SMIM23: variants seen among roughly 807,000 people sequenced by gnomAD.
SMIM23 encodes small integral membrane protein 23.
Under a neutral mutation model 12.8 loss-of-function variants are expected in SMIM23, and 10 were observed. The ratio of observed to expected loss-of-function variants is 0.78; its 90% confidence interval spans 0.48 to 1.32. SMIM23 has a LOEUF of 1.32. Among genes scored for constraint, SMIM23 ranks in the 40% most tolerant of loss-of-function variants. The probability of loss-of-function intolerance (pLI) is 0.00; values close to 1 mark genes in which losing one functional copy is unlikely to be tolerated. For missense variants in SMIM23, 184 were observed against 198.2 expected (o/e 0.93, Z 0.43); for synonymous variants, 78 against 80.1 (o/e 0.97, Z 0.14).
At chr5:171,781,209 T>C (rs1044658783), upstream of SMIM23, among the ~76,000 whole-genome samples, 1 of 152,186 alleles carries the variant, frequency 6.6e-6, no homozygotes, top group Non-Finnish European at 1.5e-5. Flanking sequence ...CCCAATTATT[T>C]TCCTTTCTGA....
At chr5:171,787,530 G>C (rs1755840839) in intron 1 of SMIM23, among the ~76,000 whole-genome samples, 1 of 152,220 alleles carries the variant, frequency 6.6e-6, no homozygotes, top group African/African-American at 2.4e-5. Flanking sequence ...TACATTGATA[G>C]AGGACTGGTT....
At position 171,790,883 on chromosome 5, in the gene SMIM23, A is replaced by G. The variant is rs1288946368; in HGVS notation, c.314A>G (p.Glu105Gly). Residue 105 changes from glutamate to glycine, a missense_variant, in exon 4 of 4, where the codon GAG becomes GGG. Glu to Gly is a moderately conservative substitution (Grantham distance 98). Coordinates refer to ENST00000523047, the MANE Select transcript of SMIM23 (RefSeq NM_001289970.2). Reference protein sequence around the residue: ...WLKEKLHVFSEKLEEEVQQLE... With the variant: ...WLKEKLHVFSGKLEEEVQQLE... Reference sequence around the variant, plus strand: ...AAGGAGAAGTTGCATGTCTTCTCGGAGAAGTTAGAGGAAGAGGTGCAGCAG... The same window carrying G: ...AAGGAGAAGTTGCATGTCTTCTCGGGGAAGTTAGAGGAAGAGGTGCAGCAG... 8 of 1,536,006 alleles carry G rather than the reference A, an allele frequency of 5.2e-6. No homozygotes were observed. In the Admixed American group the frequency reaches 1.6e-4, roughly 30 times the overall value.
At position 171,790,810 on chromosome 5, in the gene SMIM23, A is replaced by C. The variant is rs1246394843; in HGVS notation, c.241A>C (p.Thr81Pro). The C allele has an allele frequency of 1.3e-6, 2 of 1,536,074 alleles. No individual in the cohort carries two copies. Among genetic ancestry groups the C allele is most frequent in the East Asian group, 2.4e-5 (1 of 40,920 alleles). The change falls in exon 4 of 4, where the codon ACC becomes CCC. Residue 81 changes from threonine to proline, a missense_variant. Transcript: ENST00000523047. ...LAVPQGLEYQTNEPSEEPIKT... is the reference protein window; with the variant it reads ...LAVPQGLEYQPNEPSEEPIKT... The stretch of plus-strand genomic sequence containing the variant: ...TGCCTTCCAGGGGCTTGAATATCAG[A>C]CCAACGAGCCCTCAGAAGAACCGAT...
intron 1 of SMIM23, 81 bp from the exon 2 acceptor site, chr5:171,790,149 G>A (rs1330809301): frequency 6.6e-6 from 9 of 1,357,134 alleles, no homozygotes; most frequent in Middle Eastern, 1.8e-4. Context: ...TCCCATGTCT[G>A]GCCCTTTGTG....
chr5:171,781,463 A>G (rs1755724399), upstream of SMIM23, among the ~76,000 whole-genome samples: 2 of 152,150 alleles, frequency 1.3e-5, no homozygotes, highest in African/African-American at 4.8e-5. Context: ...CATGTAAATC[A>G]GACACCACCT....
At chr5:171,789,385 A>G (rs140208675) in intron 1 of SMIM23, among the ~76,000 whole-genome samples, 141 of 152,354 alleles carry the variant, frequency 9.3e-4, no homozygotes, top group Non-Finnish European at 1.7e-3. Flanking sequence ...AATTAAACAT[A>G]CATTTACCAT....
At chr5:171,785,295 G>GA (rs1174500871), upstream of SMIM23, among the ~76,000 whole-genome samples, 1 of 152,044 alleles carries the variant, frequency 6.6e-6, no homozygotes. Flanking sequence ...ACCACTGGGG[G>GA]AAAAATTCAT....
chr5:171,773,072 G>A, the SMIM23 span, among the ~76,000 whole-genome samples: 1 of 152,204 alleles, frequency 6.6e-6, no homozygotes, highest in South Asian at 2.1e-4. Context: ...GCCTGGCGTG[G>A]AGAGCTGGCC....
upstream of SMIM23, among the ~76,000 whole-genome samples, chr5:171,782,191 C>T (rs138399902): frequency 1.3e-4 from 20 of 152,260 alleles, no homozygotes; most frequent in South Asian, 6.2e-4. Flanking sequence ...GTCAGCGAGA[C>T]GGTGAAGCCA....
At chr5:171,777,017 G>A in the SMIM23 span, among the ~76,000 whole-genome samples, 1 of 151,750 alleles carries the variant, frequency 6.6e-6, no homozygotes, top group Non-Finnish European at 1.5e-5. Context: ...TGCATGACGG[G>A]GTGAGCCTGC....
At chr5:171,780,418 C>G (rs1755707932), upstream of SMIM23, among the ~76,000 whole-genome samples, 1 of 152,174 alleles carries the variant, frequency 6.6e-6, no homozygotes, top group Non-Finnish European at 1.5e-5. Flanking sequence ...GGTGGGGAAG[C>G]TCTTCCTCCC....
upstream of SMIM23, among the ~76,000 whole-genome samples, chr5:171,781,449 G>A (rs1238896617): frequency 6.6e-6 from 1 of 152,058 alleles, no homozygotes; most frequent in African/African-American, 2.4e-5. Context: ...CAATCTGTGA[G>A]CCCCATGTAA....
At chr5:171,776,853 C>T in the SMIM23 span, among the ~76,000 whole-genome samples, 1 of 152,204 alleles carries the variant, frequency 6.6e-6, no homozygotes, top group Admixed American at 6.5e-5. Context: ...GGGCGCTTCA[C>T]ACTCCAACCT....
upstream of SMIM23, among the ~76,000 whole-genome samples, chr5:171,780,150 G>T (rs1755703759): frequency 6.6e-6 from 1 of 152,106 alleles, no homozygotes; most frequent in Non-Finnish European, 1.5e-5. Flanking sequence ...TTCTCCCTTG[G>T]CAGAGTGTAA....
upstream of SMIM23, among the ~76,000 whole-genome samples, chr5:171,781,455 T>C (rs371719934): frequency 6.6e-6 from 1 of 152,116 alleles, no homozygotes; most frequent in East Asian, 1.9e-4. Flanking sequence ...GTGAGCCCCA[T>C]GTAAATCAGA....
chr5:171,779,099 A>G (rs1028059955), upstream of SMIM23, among the ~76,000 whole-genome samples: 2 of 152,202 alleles, frequency 1.3e-5, no homozygotes, highest in Non-Finnish European at 2.9e-5. Flanking sequence ...ACAATAAGAG[A>G]GTTCACAAAT....
chr5:171,787,948 G>A (rs868122359), intron 1 of SMIM23, among the ~76,000 whole-genome samples: 23 of 151,626 alleles, frequency 1.5e-4, no homozygotes, highest in African/African-American at 5.6e-4. Context: ...TTTTTTTTAA[G>A]TTAATAGTAA....
At chr5:171,781,546 C>G (rs1475507436), upstream of SMIM23, among the ~76,000 whole-genome samples, 3 of 150,992 alleles carry the variant, frequency 2.0e-5, no homozygotes, top group Non-Finnish European at 3.0e-5. Flanking sequence ...TGCCCCCCCC[C>G]GTCTCTAGAG....
the SMIM23 span, among the ~76,000 whole-genome samples, chr5:171,774,894 A>G: frequency 6.6e-6 from 1 of 152,098 alleles, no homozygotes; most frequent in African/African-American, 2.4e-5. Context: ...ATTTTGACCC[A>G]CAGGTCTCCC....
Sources: gnomAD v4.1 joint callset for allele counts (sites outside exome capture counted in the v4.1 genomes callset) on GRCh38, gnomAD v4.1.1 for gene constraint, MANE v1.5 for transcripts, NCBI Gene and HGNC (gene_info 2026-07-23, HGNC 2026-07-21) for gene names.